ASIC2: variants seen among roughly 807,000 people sequenced by gnomAD.
The protein encoded by ASIC2 is acid-sensing ion channel 2.
Under a neutral mutation model 57.3 loss-of-function variants are expected in ASIC2, and 25 were observed. That is an observed-to-expected ratio of 0.44 (90% CI 0.32 to 0.61). ASIC2 has a LOEUF of 0.61. ASIC2 is among the 20% of genes least tolerant of loss of function. The pLI is 0.06. For missense variants in ASIC2, 641 were observed against 738.1 expected (o/e 0.87, Z 1.52); for synonymous variants, 319 against 307.5 (o/e 1.04, Z -0.39).
chr17:33,886,006 C>T (rs317377), intron 1 of ASIC2, among the ~76,000 whole-genome samples: 39,868 of 152,088 alleles, frequency 0.26, 5,406 homozygotes, highest in Middle Eastern at 0.37. Flanking sequence ...ATAAAGTAGA[C>T]AGCAAGGCAA....
intron 1 of ASIC2, among the ~76,000 whole-genome samples, chr17:33,472,388 T>C: frequency 6.6e-6 from 1 of 152,182 alleles, no homozygotes; most frequent in African/African-American, 2.4e-5. Context: ...TTGTGTAAGT[T>C]ACCATTTTAA....
chr17:34,113,213 C>T (rs894953038), intron 1 of ASIC2, among the ~76,000 whole-genome samples: 2 of 151,906 alleles, frequency 1.3e-5, no homozygotes, highest in Non-Finnish European at 2.9e-5. Context: ...AAGAGAGGGG[C>T]GAAGGAAGCT....
chr17:33,755,540 G>A (rs1236296399), intron 1 of ASIC2, among the ~76,000 whole-genome samples: 1 of 152,204 alleles, frequency 6.6e-6, no homozygotes, highest in Non-Finnish European at 1.5e-5. Context: ...TCTTAGAGAT[G>A]AATGATACAT....
chr17:33,696,526 A>G (rs770365867), intron 1 of ASIC2, among the ~76,000 whole-genome samples: 4 of 152,250 alleles, frequency 2.6e-5, no homozygotes, highest in Non-Finnish European at 5.9e-5. Flanking sequence ...TGAGCAAAGT[A>G]GAGTTATAGA....
chr17:33,541,017 T>C (rs1915391852), intron 1 of ASIC2, among the ~76,000 whole-genome samples: 1 of 152,308 alleles, frequency 6.6e-6, no homozygotes, highest in South Asian at 2.1e-4. Flanking sequence ...CCCAGACTCC[T>C]GTGTCTTATG....
intron 1 of ASIC2, among the ~76,000 whole-genome samples, chr17:33,464,509 T>TC (rs1912764776): frequency 4.0e-5 from 2 of 49,392 alleles, no homozygotes; most frequent in African/African-American, 9.9e-5. Context: ...TCTTTCTTTC[T>TC]TTCTTTCTTT....
At chr17:33,823,501 C>T (rs1450870750) in intron 1 of ASIC2, among the ~76,000 whole-genome samples, 1 of 152,164 alleles carries the variant, frequency 6.6e-6, no homozygotes, top group Admixed American at 6.5e-5. Context: ...TCCCATAGGC[C>T]ATTAGTGGGT....
intron 3 of ASIC2, 36 bp downstream of exon 3, chr17:33,088,823 AGGCT>A (rs760834305): frequency 2.0e-5 from 32 of 1,569,190 alleles, no homozygotes; most frequent in Non-Finnish European, 2.8e-5. Flanking sequence ...GGGTCGGGGG[AGGCT>A]GAGGACCATC....
At chr17:33,073,760 A>G (rs567224844) in intron 3 of ASIC2, among the ~76,000 whole-genome samples, 8 of 152,330 alleles carry the variant, frequency 5.3e-5, no homozygotes, top group African/African-American at 1.7e-4. Flanking sequence ...TCAAAATCCA[A>G]TGGACAAACT....
chr17:33,677,531 G>A (rs1414707618), intron 1 of ASIC2, among the ~76,000 whole-genome samples: 1 of 152,218 alleles, frequency 6.6e-6, no homozygotes, highest in African/African-American at 2.4e-5. Flanking sequence ...CACCATTCTA[G>A]ATGCCATTAA....
At chr17:33,866,064 G>T (rs1434857870) in intron 1 of ASIC2, among the ~76,000 whole-genome samples, 2 of 152,038 alleles carry the variant, frequency 1.3e-5, no homozygotes, top group African/African-American at 4.8e-5. Flanking sequence ...ATCCAATTGT[G>T]CATTTTTATG....
intron 1 of ASIC2, among the ~76,000 whole-genome samples, chr17:33,346,686 T>G (rs956653627): frequency 1.3e-5 from 2 of 152,114 alleles, no homozygotes; most frequent in African/African-American, 2.4e-5. Context: ...GATAAGAGAT[T>G]AAAGCTGAAG....
intron 1 of ASIC2, chr17:34,039,179 C>T (rs1908003793): frequency 3.7e-6 from 6 of 1,614,032 alleles, no homozygotes; most frequent in South Asian, 1.1e-5. Flanking sequence ...ATTCTTCCCT[C>T]CTTCTTCTCT....
chr17:33,811,269 C>T (rs1348128834), intron 1 of ASIC2, among the ~76,000 whole-genome samples: 1 of 152,136 alleles, frequency 6.6e-6, no homozygotes, highest in Non-Finnish European at 1.5e-5. Flanking sequence ...ACATTTGGAG[C>T]CAGAGAGGAG....
chr17:33,270,556 T>C (rs1215469002), intron 1 of ASIC2, among the ~76,000 whole-genome samples: 3 of 152,242 alleles, frequency 2.0e-5, no homozygotes, highest in Non-Finnish European at 2.9e-5. Flanking sequence ...ATGGGTTTCA[T>C]CTAGCCTGCA....
intron 1 of ASIC2, among the ~76,000 whole-genome samples, chr17:33,570,103 ACTAG>A (rs1916383171): frequency 6.6e-6 from 1 of 151,990 alleles, no homozygotes; most frequent in Admixed American, 6.6e-5. Flanking sequence ...TTGCTCTTGC[ACTAG>A]CTGTCTCCTG....
chr17:33,374,458 C>T (rs575928046), intron 1 of ASIC2, among the ~76,000 whole-genome samples: 3 of 152,290 alleles, frequency 2.0e-5, no homozygotes, highest in African/African-American at 7.2e-5. Context: ...AACCAACCAG[C>T]AGCACCTATT....
chr17:33,604,786 C>T (rs1905187921), intron 1 of ASIC2, among the ~76,000 whole-genome samples: 1 of 152,066 alleles, frequency 6.6e-6, no homozygotes, highest in Non-Finnish European at 1.5e-5. Flanking sequence ...CCACCTAAGC[C>T]TTTGGTGTCA....
intron 1 of ASIC2, among the ~76,000 whole-genome samples, chr17:33,980,176 C>T (rs959352455): frequency 6.6e-6 from 1 of 152,068 alleles, no homozygotes; most frequent in Non-Finnish European, 1.5e-5. Flanking sequence ...GTTAGATCCA[C>T]AAACAGAGAC....
Sources: gnomAD v4.1 joint callset for allele counts (sites outside exome capture counted in the v4.1 genomes callset) on GRCh38, gnomAD v4.1.1 for gene constraint, MANE v1.5 for transcripts, NCBI Gene and HGNC (gene_info 2026-07-23, HGNC 2026-07-21) for gene names.